Variants in NRG1 observed in about 807,000 individuals in gnomAD.
NRG1 encodes neuregulin 1, also known as pro-neuregulin-1, membrane-bound isoform.
NRG1 carries 18 observed loss-of-function variants against 63.8 expected under a neutral mutation model. The ratio of observed to expected loss-of-function variants is 0.28; its 90% CI spans 0.19 to 0.42. The LOEUF (loss-of-function observed/expected upper bound fraction) is 0.42. Among genes scored for constraint, NRG1 ranks in the 10% least tolerant of loss-of-function variants. The pLI, the probability that NRG1 is intolerant of heterozygous loss-of-function variation, is 1.00. For missense variants in NRG1, 762 were observed against 814.7 expected (o/e 0.94, Z 0.79); for synonymous variants, 302 against 301.3 (o/e 1.00, Z -0.02).
chr8:32,312,372 A>C (rs1586763970), intron 1 of NRG1, among the ~76,000 whole-genome samples: 1 of 112,604 alleles, frequency 8.9e-6, no homozygotes, highest in African/African-American at 3.7e-5. Context: ...ACGGGATTTC[A>C]CTATGTTGGC....
intron 5 of NRG1, among the ~76,000 whole-genome samples, chr8:32,702,655 CT>C (rs1356413854): frequency 6.6e-6 from 1 of 152,040 alleles, no homozygotes; most frequent in Non-Finnish European, 1.5e-5. Flanking sequence ...ACCCGGTTAA[CT>C]TTTGTATTTT....
At chr8:31,821,986 A>G (rs1381692568) in intron 1 of NRG1, among the ~76,000 whole-genome samples, 1 of 152,182 alleles carries the variant, frequency 6.6e-6, no homozygotes, top group Admixed American at 6.5e-5. Context: ...TACATACACA[A>G]TATATCTTTG....
intron 1 of NRG1, among the ~76,000 whole-genome samples, chr8:32,527,218 G>C (rs965205094): frequency 6.6e-5 from 10 of 152,022 alleles, no homozygotes; most frequent in Admixed American, 6.5e-4. Context: ...TACTCACAAA[G>C]GGCAAAAACA....
At chr8:31,882,631 T>G (rs986031338) in intron 1 of NRG1, among the ~76,000 whole-genome samples, 2 of 152,132 alleles carry the variant, frequency 1.3e-5, no homozygotes, top group African/African-American at 2.4e-5. Flanking sequence ...GTAGATGCCG[T>G]TAAGAACACT....
intron 1 of NRG1, among the ~76,000 whole-genome samples, chr8:31,960,872 A>G (rs1347652449): frequency 6.6e-6 from 1 of 152,244 alleles, no homozygotes; most frequent in Non-Finnish European, 1.5e-5. Context: ...CCATAACAAA[A>G]GGGTTGTTTT....
chr8:31,706,497 A>G (rs1000512843), intron 1 of NRG1, among the ~76,000 whole-genome samples: 5 of 152,154 alleles, frequency 3.3e-5, no homozygotes, highest in African/African-American at 9.7e-5. Context: ...AAATCTTTTG[A>G]TATTATAAAC....
Position 32,500,324 on chromosome 8 carries a change from CT to C in NRG1, c.38-95500del, listed in dbSNP as rs1827715135. 3.3e-5 allele frequency among the ~76,000 whole-genome samples: 5 copies of C among 152,144 alleles called. 1 individual carries two copies. In the South Asian group the frequency reaches 1.0e-3, roughly 32 times the overall value. On this transcript the variant is annotated intron_variant, in intron 1 of 10. Transcript: ENST00000519301. Reference sequence around the variant, plus strand: ...TACCTATAGATTGGGGTGAATTTCCCTTTTCTTGAGGACTCTAAAACATTCT... The same window carrying C: ...TACCTATAGATTGGGGTGAATTTCCCTTTCTTGAGGACTCTAAAACATTCT...
At chr8:32,289,892 C>G (rs1853988169) in intron 1 of NRG1, among the ~76,000 whole-genome samples, 1 of 152,150 alleles carries the variant, frequency 6.6e-6, no homozygotes, top group Admixed American at 6.6e-5. Flanking sequence ...ATTGGAAGCA[C>G]AATTCTAATT....
intron 1 of NRG1, among the ~76,000 whole-genome samples, chr8:32,428,053 G>C (rs1040773827): frequency 6.6e-6 from 1 of 152,194 alleles, no homozygotes; most frequent in Admixed American, 6.5e-5. Context: ...TCCACATCAC[G>C]TCCCTAAGGG....
Position 32,534,269 on chromosome 8 carries a change from C to T in NRG1, c.38-61559C>T, listed in dbSNP as rs1831744197. The stretch of plus-strand genomic sequence containing the variant: ...ATGCCTTGAAAAGTAAAAAGAACAG[C>T]AAAAACAGCTAGTTAGTCAAAGGTC... On this transcript the variant is annotated intron_variant, in intron 1 of 10. Transcript: ENST00000519301. Among the ~76,000 whole-genome samples, 4 of 152,040 alleles carry T rather than the reference C, an allele frequency of 2.6e-5. No homozygotes were observed. The South Asian group carries it at 6.2e-4, about 24-fold the overall frequency.
chr8:32,468,644 C>T (rs1426213172), intron 1 of NRG1, among the ~76,000 whole-genome samples: 6 of 151,886 alleles, frequency 4.0e-5, no homozygotes, highest in Non-Finnish European at 1.5e-5. Context: ...ACTTATTACT[C>T]TATTCACTCT....
At chr8:32,124,277 A>G (rs941021698) in intron 1 of NRG1, among the ~76,000 whole-genome samples, 4 of 151,908 alleles carry the variant, frequency 2.6e-5, no homozygotes, top group Admixed American at 2.6e-4. Flanking sequence ...GCCAAGAACA[A>G]TGTTCTAATA....
chr8:32,113,050 T>G (rs978269280), intron 1 of NRG1, among the ~76,000 whole-genome samples: 29 of 152,158 alleles, frequency 1.9e-4, no homozygotes, highest in African/African-American at 6.8e-4. Flanking sequence ...CAAATAGGTG[T>G]GTGGCCCTTC....
intron 1 of NRG1, among the ~76,000 whole-genome samples, chr8:31,812,417 C>T (rs1005685692): frequency 4.6e-5 from 7 of 152,130 alleles, no homozygotes; most frequent in African/African-American, 7.2e-5. Context: ...TTTAGAGAAC[C>T]GCTAGATTAG....
chr8:31,923,453 G>T (rs1371567233), intron 1 of NRG1, among the ~76,000 whole-genome samples: 1 of 152,000 alleles, frequency 6.6e-6, no homozygotes, highest in Non-Finnish European at 1.5e-5. Flanking sequence ...TGATAGCAAG[G>T]TTATAATGGC....
At chr8:32,564,688 G>A (rs1371030017) in intron 1 of NRG1, among the ~76,000 whole-genome samples, 2 of 152,156 alleles carry the variant, frequency 1.3e-5, no homozygotes, top group African/African-American at 4.8e-5. Context: ...TCAATCAAGG[G>A]TTGTTAAGAA....
At chr8:32,276,231 G>A (rs2129472835) in intron 1 of NRG1, among the ~76,000 whole-genome samples, 1 of 152,176 alleles carries the variant, frequency 6.6e-6, no homozygotes, top group South Asian at 2.1e-4. Context: ...AATGACTACA[G>A]GTCTATCTCT....
chr8:32,002,280 T>C (rs1424118808), intron 1 of NRG1, among the ~76,000 whole-genome samples: 1 of 152,042 alleles, frequency 6.6e-6, no homozygotes, highest in Non-Finnish European at 1.5e-5. Context: ...CACCTCAGCC[T>C]CCCAAAGTGC....
rs117171816 is a variant in NRG1 at position 31,685,278 on chromosome 8, C to T, written c.37+45847C>T. 0.013 allele frequency among the ~76,000 whole-genome samples: 1,985 copies of T among 152,082 alleles called. 62 individuals are homozygous for T. The South Asian group carries it at 0.14, about 11-fold the overall frequency. ...TTAAATATATTAAGAAGAAATCTGT[C>T]CTGAAAACACCATTTAATTTTAGAA... On this transcript the variant is annotated intron_variant, in intron 1 of 10. Coordinates refer to the NRG1 transcript ENST00000519301.
Sources: gnomAD v4.1 joint callset for allele counts (sites outside exome capture counted in the v4.1 genomes callset) on GRCh38, gnomAD v4.1.1 for gene constraint, MANE v1.5 for transcripts, NCBI Gene and HGNC (gene_info 2026-07-23, HGNC 2026-07-21) for gene names.